PTPRN2: variants seen among roughly 807,000 people sequenced by gnomAD.
PTPRN2 encodes receptor-type tyrosine-protein phosphatase N2.
PTPRN2 carries 74 observed loss-of-function variants against 118.8 expected under a neutral mutation model. That is an observed-to-expected ratio of 0.62 (90% confidence interval 0.52 to 0.76). The LOEUF is 0.76. Ranked by LOEUF, PTPRN2 falls within the 30% of genes least tolerant of loss-of-function variation. The probability of loss-of-function intolerance (pLI) is 0.00; values close to 1 mark genes in which losing one functional copy is unlikely to be tolerated. For synonymous variants in PTPRN2, 641 were observed against 608.0 expected, an observed-to-expected ratio of 1.05 and a Z score of -0.80; for missense variants, 1,481 against 1,394.4, an observed-to-expected ratio of 1.06 and a Z score of -0.99.
chr7:158,372,675 T>TG (rs1810166434), intron 2 of PTPRN2, among the ~76,000 whole-genome samples: 1 of 152,190 alleles, frequency 6.6e-6, no homozygotes, highest in African/African-American at 2.4e-5. Flanking sequence ...TCCACCACGC[T>TG]GATCCCCAGA....
At chr7:158,169,000 T>G (rs1047018306) in intron 5 of PTPRN2, among the ~76,000 whole-genome samples, 2 of 152,182 alleles carry the variant, frequency 1.3e-5, no homozygotes, top group Admixed American at 6.5e-5. Flanking sequence ...CACCCCAGTT[T>G]AAATCCCATC....
chr7:158,002,152 G>A (rs1280757382), intron 11 of PTPRN2, among the ~76,000 whole-genome samples: 6 of 152,198 alleles, frequency 3.9e-5, no homozygotes, highest in Admixed American at 3.3e-4. Context: ...CCTTTTATGG[G>A]AACTGAGGTG....
chr7:158,397,037 C>T (rs1029834193), intron 2 of PTPRN2, among the ~76,000 whole-genome samples: 3 of 152,234 alleles, frequency 2.0e-5, no homozygotes, highest in East Asian at 1.9e-4. Context: ...ACCCAGGCCC[C>T]GCTGAAGTGC....
intron 11 of PTPRN2, among the ~76,000 whole-genome samples, chr7:157,965,780 C>T (rs775072433): frequency 6.6e-6 from 1 of 152,226 alleles, no homozygotes; most frequent in Non-Finnish European, 1.5e-5. Context: ...ATTTCAGAGT[C>T]TTATTTTATG....
chr7:157,727,648 G>A (rs1799674639), intron 12 of PTPRN2, among the ~76,000 whole-genome samples: 1 of 152,228 alleles, frequency 6.6e-6, no homozygotes, highest in South Asian at 2.1e-4. Context: ...ATGCTAAGAG[G>A]CGTGCACCTA....
At chr7:158,122,104 C>A (rs1190626795) in intron 9 of PTPRN2, among the ~76,000 whole-genome samples, 1 of 152,202 alleles carries the variant, frequency 6.6e-6, no homozygotes, top group East Asian at 1.9e-4. Flanking sequence ...CCCTCAATAC[C>A]TGGACACTAA....
rs139550506 is a variant in PTPRN2, at chr7:158,173,444, G to C, written c.550-6153C>G. On this transcript the variant is annotated intron_variant, in intron 5 of 22. Transcript: ENST00000389418. ...TTATTAGGGATTTCAAAAGGGGAGG[G>C]GTGTACAAATAGGGAGTAGGTCACA... is the stretch of plus-strand genomic sequence containing the variant. 8.9e-3 allele frequency among the ~76,000 whole-genome samples: 1,352 copies of C among 152,266 alleles called. 21 individuals are homozygous for C. The highest frequency in any genetic ancestry group is 0.031 in the African/African-American group (1,299 of 41,542).
chr7:157,576,980 G>A (rs534304576), intron 18 of PTPRN2, among the ~76,000 whole-genome samples: 4 of 152,336 alleles, frequency 2.6e-5, no homozygotes, highest in African/African-American at 9.6e-5. Flanking sequence ...AGTTAGCTCC[G>A]TGCGGGTGTG....
intron 12 of PTPRN2, among the ~76,000 whole-genome samples, chr7:157,823,217 T>C (rs1233781645): frequency 1.3e-5 from 2 of 152,212 alleles, no homozygotes; most frequent in South Asian, 2.1e-4. Flanking sequence ...AATAATCACC[T>C]AAAATATTTA....
intron 13 of PTPRN2, among the ~76,000 whole-genome samples, chr7:157,664,942 C>T (rs553409382): frequency 2.2e-4 from 34 of 152,364 alleles, no homozygotes; most frequent in Admixed American, 1.2e-3. Flanking sequence ...CATCCTCACC[C>T]GGAACAAAAC....
At chr7:158,125,880 G>A (rs967914910) in intron 9 of PTPRN2, among the ~76,000 whole-genome samples, 3 of 152,256 alleles carry the variant, frequency 2.0e-5, no homozygotes, top group East Asian at 1.9e-4. Context: ...TCCGGACCTC[G>A]GCTGCACCCC....
At chr7:157,976,407 G>T (rs1317127312) in intron 11 of PTPRN2, among the ~76,000 whole-genome samples, 1 of 152,092 alleles carries the variant, frequency 6.6e-6, no homozygotes, top group East Asian at 1.9e-4. Flanking sequence ...TCTCTTTATT[G>T]TTCAGTTATG....
intron 3 of PTPRN2, among the ~76,000 whole-genome samples, chr7:158,298,184 T>C (rs900410164): frequency 6.6e-6 from 1 of 152,262 alleles, no homozygotes; most frequent in Non-Finnish European, 1.5e-5. Context: ...GTTTGTGTTC[T>C]TGATGCTTGC....
chr7:157,859,760 T>C (rs1425820249), intron 12 of PTPRN2, among the ~76,000 whole-genome samples: 1 of 68,274 alleles, frequency 1.5e-5, no homozygotes, highest in East Asian at 4.1e-4. Flanking sequence ...CCACCCACAC[T>C]CCTGCAGGGA....
intron 11 of PTPRN2, among the ~76,000 whole-genome samples, chr7:158,062,819 C>T (rs1053288969): frequency 2.0e-4 from 31 of 152,314 alleles, no homozygotes; most frequent in East Asian, 5.8e-4. Flanking sequence ...TGGGGCAGGG[C>T]GCGGGATCTG....
chr7:157,637,637 A>G (rs1804400936), intron 14 of PTPRN2, among the ~76,000 whole-genome samples: 1 of 152,220 alleles, frequency 6.6e-6, no homozygotes, highest in Non-Finnish European at 1.5e-5. Flanking sequence ...AGATTCTCTC[A>G]GAGACCAGAC....
intron 2 of PTPRN2, among the ~76,000 whole-genome samples, chr7:158,381,600 C>A (rs573451748): frequency 1.3e-5 from 2 of 152,324 alleles, no homozygotes; most frequent in African/African-American, 2.4e-5. Context: ...CTGAGCCCTC[C>A]AAACTGTTCC....
rs1364900513 is a variant in PTPRN2 at position 157,583,695 on chromosome 7, C to T, written c.2497-5555G>A. 6.6e-6 allele frequency among the ~76,000 whole-genome samples: 1 copy of T among 152,190 alleles called. No individual in the cohort carries two copies. Among genetic ancestry groups the T allele is most frequent in the African/African-American group, 2.4e-5 (1 of 41,456 alleles). On this transcript the variant is annotated intron_variant, in intron 17 of 22. Coordinates refer to ENST00000389418, the MANE Select transcript of PTPRN2 (RefSeq NM_002847.5). The surrounding 1 kb of genome is among the most constrained non-coding windows in gnomAD (Gnocchi z 5.5). ...GGTCAGGAGTTCGAGACTAGCCTCG[C>T]CAACATGGCAAAACCCTGTCTTTAC...
At chr7:158,247,992 C>T (rs1355289895) in intron 3 of PTPRN2, among the ~76,000 whole-genome samples, 1 of 152,118 alleles carries the variant, frequency 6.6e-6, no homozygotes, top group African/African-American at 2.4e-5. Context: ...GGCCTTTATC[C>T]CCCCATTATT....
Sources: gnomAD v4.1 joint callset for allele counts (sites outside exome capture counted in the v4.1 genomes callset) on GRCh38, gnomAD v4.1.1 for gene constraint, Gnocchi (gnomAD v3.1) non-coding constraint, MANE v1.5 for transcripts, NCBI Gene and HGNC (gene_info 2026-07-23, HGNC 2026-07-21) for gene names.